The following STRBP variants were observed in gnomAD, a reference collection of about 807,000 sequenced individuals.
The protein encoded by STRBP is spermatid perinuclear RNA-binding protein.
In STRBP, 13 loss-of-function variants were observed where a neutral mutation model predicts 80.1. That is an observed-to-expected ratio of 0.16 (90% CI 0.11 to 0.26). STRBP has a LOEUF of 0.26. Ranked by LOEUF, STRBP falls within the 10% of genes least tolerant of loss-of-function variation. The pLI is 1.00. For missense variants in STRBP, 485 were observed against 815.2 expected (o/e 0.59, Z 4.93); for synonymous variants, 284 against 291.2 (o/e 0.98, Z 0.25).
intron 1 of STRBP, among the ~76,000 whole-genome samples, chr9:123,249,751 G>GC (rs753478452): frequency 2.6e-5 from 4 of 152,180 alleles, no homozygotes; most frequent in Non-Finnish European, 5.9e-5. Flanking sequence ...TTGCAGTTCT[G>GC]CAAGTGTGGT....
rs1231161991 is a variant in STRBP, at chr9:123,126,883, G to A, written c.1943-1210C>T. 6.6e-6 allele frequency among the ~76,000 whole-genome samples: 1 copy of A among 152,168 alleles called. No homozygotes were observed. The highest frequency in any genetic ancestry group is 1.5e-5 in the Non-Finnish European group (1 of 68,032). On this transcript the variant is annotated intron_variant, in intron 18 of 18. Coordinates refer to ENST00000348403, the MANE Select transcript of STRBP (RefSeq NM_018387.5). The surrounding 1 kb of genome is among the most constrained non-coding windows in gnomAD (Gnocchi z 4.4). ...CCAGAAGCCAGCTGAATAGTTAAAA[G>A]CAAATGGCCAAACCCAAACCCAAAG...
intron 1 of STRBP, among the ~76,000 whole-genome samples, chr9:123,248,270 T>G (rs1466419578): frequency 7.0e-6 from 1 of 142,846 alleles, no homozygotes; most frequent in African/African-American, 2.6e-5. Flanking sequence ...TGTTTTTTTT[T>G]TTTTTTTTTT....
intron 1 of STRBP, among the ~76,000 whole-genome samples, chr9:123,244,289 G>A (rs1456456969): frequency 6.6e-6 from 1 of 152,180 alleles, no homozygotes; most frequent in African/African-American, 2.4e-5. Flanking sequence ...ATCAGTGGTT[G>A]CCACGAACTG....
chr9:123,209,185 G>A (rs563322704), intron 2 of STRBP, among the ~76,000 whole-genome samples: 1 of 152,196 alleles, frequency 6.6e-6, no homozygotes, highest in African/African-American at 2.4e-5. Context: ...ATACTTAGAA[G>A]TCTTAGTCAA....
Position 123,263,559 on chromosome 9 carries a change from T to G in STRBP, c.-302+4877A>C, listed in dbSNP as rs183436293. On this transcript the variant is annotated intron_variant, in intron 1 of 18. Transcript: ENST00000348403. ...AAAAAAAAAAAAAGGCAATTTGCTA[T>G]TTACATTTTTGCTGTGTCAATCATG... Among the ~76,000 whole-genome samples, 26 of 148,616 alleles carry G rather than the reference T, an allele frequency of 1.7e-4. No individual in the cohort carries two copies. The East Asian group carries it at 4.7e-3, about 27-fold the overall frequency.
chr9:123,200,570 C>CT (rs1225601723), intron 2 of STRBP, among the ~76,000 whole-genome samples: 1,348 of 134,466 alleles, frequency 0.01, 19 homozygotes, highest in East Asian at 0.033. Context: ...ATTTTTTTGT[C>CT]TTTTTTTTTT....
At chr9:123,143,872 G>C (rs1372647004) in intron 13 of STRBP, among the ~76,000 whole-genome samples, 37 of 152,106 alleles carry the variant, frequency 2.4e-4, no homozygotes, top group Admixed American at 2.4e-3. Context: ...CTTTGAGTTA[G>C]CTATTTAAAC....
intron 1 of STRBP, among the ~76,000 whole-genome samples, chr9:123,244,957 A>C (rs1013610545): frequency 1.3e-5 from 2 of 152,232 alleles, no homozygotes; most frequent in Non-Finnish European, 2.9e-5. Context: ...CTACCATGGA[A>C]TACTACTTAA....
At chr9:123,131,343 C>G (rs2132308711) in intron 17 of STRBP, among the ~76,000 whole-genome samples, 1 of 152,340 alleles carries the variant, frequency 6.6e-6, no homozygotes, top group South Asian at 2.1e-4. Flanking sequence ...GCCTCCAGGT[C>G]TGGGACTGAG....
chr9:123,180,231 G>A (rs1028495014), intron 3 of STRBP, among the ~76,000 whole-genome samples: 14 of 152,070 alleles, frequency 9.2e-5, no homozygotes, highest in African/African-American at 3.4e-4. Context: ...CTCCAACCTG[G>A]GCAACAGAGT....
At chr9:123,266,437 C>T (rs2041267982) in intron 1 of STRBP, among the ~76,000 whole-genome samples, 1 of 151,938 alleles carries the variant, frequency 6.6e-6, no homozygotes, top group Non-Finnish European at 1.5e-5. Flanking sequence ...TCCAGGTCCC[C>T]CCACCCCTCA....
intron 2 of STRBP, among the ~76,000 whole-genome samples, chr9:123,216,283 G>A (rs190902462): frequency 1.2e-3 from 176 of 152,300 alleles, no homozygotes; most frequent in Non-Finnish European, 2.0e-3. Flanking sequence ...GTTCCTAGAA[G>A]GCAGATACTG....
intron 3 of STRBP, chr9:123,180,953 T>C (rs1177141212): frequency 3.0e-6 from 3 of 984,790 alleles, no homozygotes; most frequent in Non-Finnish European, 2.4e-6. Context: ...ATGAACAGTC[T>C]TGCCTCTTTT....
At chr9:123,259,571 T>C (rs2041116081) in intron 1 of STRBP, among the ~76,000 whole-genome samples, 1 of 152,062 alleles carries the variant, frequency 6.6e-6, no homozygotes, top group Non-Finnish European at 1.5e-5. Flanking sequence ...TAGCTGGGCG[T>C]GGTGGCGCAT....
intron 3 of STRBP, among the ~76,000 whole-genome samples, chr9:123,182,216 TTAAAAAAAAAAA>T (rs2038500878): frequency 7.4e-5 from 7 of 94,546 alleles, no homozygotes; most frequent in African/African-American, 3.1e-4. Context: ...CTCCGTTTCT[TTAAAAAAAAAAA>T]AAAAAAAAAA....
intron 17 of STRBP, 115 bp downstream of exon 17, chr9:123,132,730 T>C: frequency 7.2e-7 from 1 of 1,395,038 alleles, no homozygotes; most frequent in African/African-American, 1.4e-5. Context: ...CTGTGTACAT[T>C]CATGCCTGTG....
At chr9:123,225,988 A>T (rs1212142203) in intron 2 of STRBP, among the ~76,000 whole-genome samples, 1 of 152,256 alleles carries the variant, frequency 6.6e-6, no homozygotes, top group Non-Finnish European at 1.5e-5. Context: ...TGTTTATAGC[A>T]AATTTACTCA....
At chr9:123,133,934 GATA>G (rs919441573) in intron 16 of STRBP, among the ~76,000 whole-genome samples, 22 of 152,036 alleles carry the variant, frequency 1.4e-4, no homozygotes, top group African/African-American at 5.1e-4. Context: ...TAAAAATGTG[GATA>G]ATGATACCCA....
At chr9:123,137,208 G>A (rs1211606353) in intron 14 of STRBP, among the ~76,000 whole-genome samples, 3 of 152,196 alleles carry the variant, frequency 2.0e-5, no homozygotes, top group Admixed American at 6.5e-5. Context: ...GCAAGAGCAT[G>A]AAGGTGCAAA....
Sources: gnomAD v4.1 joint callset for allele counts (sites outside exome capture counted in the v4.1 genomes callset) on GRCh38, gnomAD v4.1.1 for gene constraint, Gnocchi (gnomAD v3.1) non-coding constraint, MANE v1.5 for transcripts, NCBI Gene and HGNC (gene_info 2026-07-23, HGNC 2026-07-21) for gene names.